The following CTNND2 variants were observed in gnomAD, a reference collection of about 807,000 sequenced individuals.
The protein encoded by CTNND2 is catenin delta 2.
In CTNND2, 22 loss-of-function variants were observed where a neutral mutation model predicts 144.4. The observed-to-expected ratio is 0.15, with a 90% CI of 0.11 to 0.22. The LOEUF is 0.22. CTNND2 is among the 10% of genes least tolerant of loss of function. The probability of loss-of-function intolerance (pLI) is 1.00; values close to 1 mark genes in which losing one functional copy is unlikely to be tolerated. For synonymous variants in CTNND2, 751 were observed against 695.6 expected, an observed-to-expected ratio of 1.08 and a Z score of -1.25; for missense variants, 1,353 against 1,618.8, an observed-to-expected ratio of 0.84 and a Z score of 2.82.
At chr5:11,836,155 T>C (rs540648970) in intron 1 of CTNND2, among the ~76,000 whole-genome samples, 1 of 152,290 alleles carries the variant, frequency 6.6e-6, no homozygotes, top group Admixed American at 6.5e-5. Context: ...AAATCACCAC[T>C]CCATGTTGGT....
intron 9 of CTNND2, among the ~76,000 whole-genome samples, chr5:11,249,862 C>A (rs902567885): frequency 4.0e-5 from 6 of 149,522 alleles, no homozygotes; most frequent in South Asian, 2.1e-4. Context: ...AAAAAAAAAA[C>A]CAAAACACAC....
intron 9 of CTNND2, among the ~76,000 whole-genome samples, chr5:11,338,192 CATGTGAAAGTCGCTTTAGCTGCTAT>C (rs897387775): frequency 2.6e-5 from 4 of 152,144 alleles, no homozygotes; most frequent in African/African-American, 7.2e-5. Flanking sequence ...AGGAGGCGAA[CATGTGAAAGTCGCTTTAGCTGCTAT>C]ATGTTGGCTC....
At chr5:11,092,123 T>C (rs896981027) in intron 15 of CTNND2, among the ~76,000 whole-genome samples, 1 of 152,236 alleles carries the variant, frequency 6.6e-6, no homozygotes, top group Non-Finnish European at 1.5e-5. Context: ...GGACTCACCT[T>C]CTTTTGTTTC....
At chr5:11,292,624 C>A (rs1748471678) in intron 9 of CTNND2, among the ~76,000 whole-genome samples, 1 of 152,192 alleles carries the variant, frequency 6.6e-6, no homozygotes. Flanking sequence ...GTAAGACGTA[C>A]TGGCTTCCCT....
intron 2 of CTNND2, among the ~76,000 whole-genome samples, chr5:11,569,781 G>A (rs1383391930): frequency 6.6e-6 from 1 of 152,090 alleles, no homozygotes; most frequent in Admixed American, 6.6e-5. Flanking sequence ...TCCATCCCCT[G>A]CCCAAGATTC....
chr5:11,175,767 G>A lies in CTNND2; in HGVS notation c.1976-16008C>T, dbSNP rs568936167. ...AATATGAATTCCTAAAACTTGGATC[G>A]CTGGGTAGAGTCTACACATTTTAAA... On this transcript the variant is annotated intron_variant, in intron 11 of 21. Coordinates refer to ENST00000304623, the MANE Select transcript of CTNND2 (RefSeq NM_001332.4). Among the ~76,000 whole-genome samples, 15 of 151,910 alleles carry A rather than the reference G, an allele frequency of 9.9e-5. 1 individual carries two copies. Among genetic ancestry groups the A allele is most frequent in the Non-Finnish European group, 1.6e-4 (11 of 67,998 alleles).
At chr5:11,394,557 G>A (rs1759903596) in intron 6 of CTNND2, among the ~76,000 whole-genome samples, 2 of 152,302 alleles carry the variant, frequency 1.3e-5, no homozygotes, top group Non-Finnish European at 2.9e-5. Context: ...GATGGGAAGG[G>A]TAGTCTACTC....
At chr5:11,738,887 T>C (rs930781043) in intron 1 of CTNND2, among the ~76,000 whole-genome samples, 1 of 152,088 alleles carries the variant, frequency 6.6e-6, no homozygotes, top group Non-Finnish European at 1.5e-5. Context: ...TCTCCTCTCA[T>C]TCTGTCACTC....
Position 11,185,389 on chromosome 5 carries a change from T to C in CTNND2, c.1975+14059A>G, listed in dbSNP as rs535783967. Among the ~76,000 whole-genome samples, 3 of 152,360 alleles carry C rather than the reference T, an allele frequency of 2.0e-5. No individual in the cohort carries two copies. In the East Asian group the frequency reaches 5.8e-4, roughly 29 times the overall value. ...TGACTGAGCAACCTTGTAGTGCTGC[T>C]CAGGCATCTATTGTGAACTGGAGAA... is the stretch of plus-strand genomic sequence containing the variant. On this transcript the variant is annotated intron_variant, in intron 11 of 21. Transcript: ENST00000304623.
chr5:11,364,359 C>T (rs1202351396), intron 8 of CTNND2, among the ~76,000 whole-genome samples: 1 of 152,190 alleles, frequency 6.6e-6, no homozygotes, highest in African/African-American at 2.4e-5. Context: ...TCTTTCACGT[C>T]CTACAAATGA....
Position 11,364,713 on chromosome 5 carries a change from G to A in CTNND2, c.1355C>T (p.Thr452Ile), listed in dbSNP as rs1191146459. 1.2e-6 allele frequency: 2 copies of A among 1,613,172 alleles called. No individual in the cohort carries two copies. Among genetic ancestry groups the A allele is most frequent in the Non-Finnish European group, 1.7e-6 (2 of 1,179,864 alleles). ...GDPLPPAHTG[T>I]YRTSTAPSSP... The stretch of plus-strand genomic sequence containing the variant: ...TTACACACCTGTGCTCGTGCGGTAG[G>A]TGCCGGTGTGTGCTGGCGGCAGAGG... Residue 452 changes from threonine (T) to isoleucine (I), a missense_variant, in exon 8 of 22, where the codon ACC (threonine) becomes ATC (isoleucine). By Grantham distance (89) the Thr-to-Ile change is moderately conservative (BLOSUM62 -1). Around this residue, in one of 4 missense-constraint regions of CTNND2, gnomAD observed 708 missense variants for 706.4 expected, o/e 1.00. Coordinates refer to ENST00000304623, the MANE Select transcript of CTNND2 (RefSeq NM_001332.4).
intron 11 of CTNND2, among the ~76,000 whole-genome samples, chr5:11,170,541 A>T (rs1383617626): frequency 6.6e-6 from 1 of 152,106 alleles, no homozygotes; most frequent in Admixed American, 6.6e-5. Flanking sequence ...CAAGCATTTA[A>T]TTCTGCCGAC....
chr5:11,013,550 G>A (rs1741307181), intron 18 of CTNND2, among the ~76,000 whole-genome samples: 1 of 152,192 alleles, frequency 6.6e-6, no homozygotes. Flanking sequence ...GAAGGCTATT[G>A]CAGAGAAGAC....
chr5:11,144,438 T>G (rs1293200262), intron 12 of CTNND2, among the ~76,000 whole-genome samples: 2 of 152,128 alleles, frequency 1.3e-5, no homozygotes, highest in Non-Finnish European at 2.9e-5. Flanking sequence ...ACCTGCAGGC[T>G]ACCCGACCAG....
chr5:11,094,798 AAGG>A (rs1751165871), intron 15 of CTNND2, among the ~76,000 whole-genome samples: 1 of 152,162 alleles, frequency 6.6e-6, no homozygotes, highest in Non-Finnish European at 1.5e-5. Context: ...GATTTCCGAT[AAGG>A]ACAGGGAAAT....
intron 2 of CTNND2, among the ~76,000 whole-genome samples, chr5:11,628,796 A>G (rs1781279929): frequency 6.6e-6 from 1 of 152,230 alleles, no homozygotes; most frequent in Non-Finnish European, 1.5e-5. Context: ...GAGTGGTTAA[A>G]GCTTTTGAGA....
At chr5:11,536,712 T>C (rs1365721235) in intron 3 of CTNND2, among the ~76,000 whole-genome samples, 1 of 151,352 alleles carries the variant, frequency 6.6e-6, no homozygotes, top group East Asian at 2.0e-4. Context: ...CATTGGACTT[T>C]GGGGACTCAG....
chr5:11,411,517 T>C lies in CTNND2; in HGVS notation c.439+19A>G, dbSNP rs1464661122. The C allele has an allele frequency of 7.9e-7, 1 of 1,260,934 alleles. No individual in the cohort carries two copies. The highest frequency in any genetic ancestry group is 1.2e-6 in the Non-Finnish European group (1 of 864,036). 78.1% of individuals were successfully genotyped at this position (1,260,934 alleles called of 1,614,324 possible). A position where few individuals can be genotyped will look rare whatever the true frequency, so the allele number is the denominator to read the frequency against. ...CCTATATTTCAACTATCTTCAAGCA[T>C]AACTGCCACGTGACTTACTTTCACC... On this transcript the variant is annotated intron_variant, in intron 5 of 21. Coordinates refer to ENST00000304623, the MANE Select transcript of CTNND2 (RefSeq NM_001332.4).
At chr5:11,521,293 T>G (rs928143530) in intron 3 of CTNND2, among the ~76,000 whole-genome samples, 9 of 152,242 alleles carry the variant, frequency 5.9e-5, no homozygotes. Context: ...AAGGCACATA[T>G]CTGAGGACTC....
Sources: gnomAD v4.1 joint callset for allele counts (sites outside exome capture counted in the v4.1 genomes callset) on GRCh38, gnomAD v4.1.1 for gene constraint, gnomAD v4.1.1 regional missense constraint, MANE v1.5 for transcripts, NCBI Gene and HGNC (gene_info 2026-07-23, HGNC 2026-07-21) for gene names.